The following SERPINB13 variants were observed in gnomAD, a reference collection of about 807,000 sequenced individuals.
SERPINB13 encodes serpin B13.
Under a neutral mutation model 31.2 loss-of-function variants are expected in SERPINB13, and 26 were observed. That is an observed-to-expected ratio of 0.83 (90% CI 0.61 to 1.15). SERPINB13 has a LOEUF of 1.15. Ranked by LOEUF, SERPINB13 falls within the 50% of genes most tolerant of loss-of-function variation. SERPINB13 has a pLI of 0.00. For missense variants in SERPINB13, 510 were observed against 469.4 expected, an observed-to-expected ratio of 1.09 and a Z score of -0.80; for synonymous variants, 191 against 172.4, an observed-to-expected ratio of 1.11 and a Z score of -0.85.
At chr18:63,595,333 T>TA in intron 7 of SERPINB13, 149 bp downstream of exon 7, 1 of 724,986 alleles carries the variant, frequency 1.4e-6, no homozygotes, top group Non-Finnish European at 2.2e-6. Flanking sequence ...TGGGGAGCAT[T>TA]AAATAGTATG....
At chr18:63,590,538 C>G (rs763073420) in intron 3 of SERPINB13, among the ~76,000 whole-genome samples, 2 of 152,148 alleles carry the variant, frequency 1.3e-5, no homozygotes, top group Admixed American at 1.3e-4. Flanking sequence ...TCAGGGTTTG[C>G]GCAACCAAGT....
chr18:63,594,264 G>T, intron 5 of SERPINB13, 91 bp from the exon 6 acceptor site: 1 of 1,579,188 alleles, frequency 6.3e-7, no homozygotes, highest in Non-Finnish European at 8.6e-7. Context: ...GGTTTTTAAT[G>T]ATCAGTCAAG....
rs1912356759 is a variant in SERPINB13 at position 63,599,161 on chromosome 18, T to C, written c.*1798T>C. Reference sequence around the variant, plus strand: ...TAATAATCTCTGGCTTACAAGTCCTTAATTTATCAAATATATGATACGTGG... The same window carrying C: ...TAATAATCTCTGGCTTACAAGTCCTCAATTTATCAAATATATGATACGTGG... On this transcript the variant is annotated 3_prime_UTR_variant, in exon 8 of 8. Coordinates refer to ENST00000344731, the MANE Select transcript of SERPINB13 (RefSeq NM_012397.4). 6.6e-6 allele frequency: 1 copy of C among 152,194 alleles called. No homozygotes were observed. Among genetic ancestry groups the C allele is most frequent in the Non-Finnish European group, 1.5e-5 (1 of 68,026 alleles). The allele number at this position is 152,194 out of a possible 1,614,324, so 9.4% of individuals were successfully genotyped here. A position where few individuals can be genotyped will look rare whatever the true frequency, so the allele number is the denominator to read the frequency against.
intron 1 of SERPINB13, among the ~76,000 whole-genome samples, chr18:63,587,853 T>G (rs1042316641): frequency 6.6e-6 from 1 of 152,248 alleles, no homozygotes; most frequent in African/African-American, 2.4e-5. Context: ...GAAGCAAACA[T>G]AAAAACAGTT....
chr18:63,590,170 T>C (rs1911769270), intron 3 of SERPINB13, among the ~76,000 whole-genome samples: 1 of 152,160 alleles, frequency 6.6e-6, no homozygotes, highest in Non-Finnish European at 1.5e-5. Flanking sequence ...CAGTAGGTGA[T>C]ATTATTGCTA....
intron 4 of SERPINB13, among the ~76,000 whole-genome samples, 172 bp from the exon 5 acceptor site, chr18:63,592,682 G>A (rs1348665017): frequency 6.6e-6 from 1 of 152,120 alleles, no homozygotes; most frequent in Non-Finnish European, 1.5e-5. Context: ...CTCATCCCCA[G>A]AATAGCTGCA....
At chr18:63,590,125 T>A (rs1911765779) in intron 3 of SERPINB13, 1 of 158,222 alleles carries the variant, frequency 6.3e-6, no homozygotes, top group Admixed American at 6.5e-5. Context: ...AGTAGGGGCA[T>A]CTGGCAACTG....
chr18:63,590,053 A>C (rs1232921721), intron 3 of SERPINB13: 3 of 222,736 alleles, frequency 1.3e-5, no homozygotes, highest in Admixed American at 5.6e-5. Context: ...TGGCTCAGTC[A>C]CTTAAGAGCG....
At position 63,598,593 on chromosome 18, in the gene SERPINB13, A is replaced by G. The variant is rs749247987; in HGVS notation, c.*1230A>G. 1 of 152,108 alleles carries G rather than the reference A, an allele frequency of 6.6e-6. No homozygotes were observed. The highest frequency in any genetic ancestry group is 1.5e-5 in the Non-Finnish European group (1 of 67,992). 9.4% of individuals were successfully genotyped at this position (152,108 alleles called of 1,614,324 possible). A position where few individuals can be genotyped will look rare whatever the true frequency, so the allele number is the denominator to read the frequency against. The stretch of plus-strand genomic sequence containing the variant: ...TCTGTTGTAGTATGTATTGATACTT[A>G]ATTTTTTTATTGCCGAATACTATTC... On this transcript the variant is annotated 3_prime_UTR_variant, in exon 8 of 8. Transcript: ENST00000344731.
chr18:63,589,659 T>G lies in SERPINB13; in HGVS notation c.169T>G (p.Phe57Val). ...TAATATTTTCTATCTCTTCCAGGTG[T>G]TTCACTCTGAAAAAGAGACGAAGAG... ...GATASQLEEV[F>V]HSEKETKSSR... Residue 57 changes from phenylalanine to valine, a missense_variant, in exon 3 of 8, where the codon TTT becomes GTT. Phe to Val is a conservative substitution (Grantham distance 50, BLOSUM62 -1). Transcript: ENST00000344731. 1 of 1,613,720 alleles carries G rather than the reference T, an allele frequency of 6.2e-7. No homozygotes were observed. The highest frequency in any genetic ancestry group is 8.5e-7 in the Non-Finnish European group (1 of 1,179,860).
rs761827636 is a variant in SERPINB13 at position 63,597,105 on chromosome 18, C to T, written c.918C>T (p.Gly306=). Reference sequence around the variant, plus strand: ...CGGTCCTGGCTGCCATGGGGATGGGCGATGCCTTCAGTGAGCACAAAGCCG... The same window carrying T: ...CGGTCCTGGCTGCCATGGGGATGGGTGATGCCTTCAGTGAGCACAAAGCCG... The part of the protein sequence containing the change: ...LEAVLAAMGM[G]DAFSEHKADY... The change falls in exon 8 of 8, where the codon GGC becomes GGT. Residue 306 remains glycine (G), a synonymous_variant. Coordinates refer to ENST00000344731, the MANE Select transcript of SERPINB13 (RefSeq NM_012397.4). The T allele has an allele frequency of 3.1e-6, 5 of 1,614,126 alleles. No homozygotes were observed. Among genetic ancestry groups the T allele is most frequent in the Admixed American group, 1.7e-5 (1 of 60,014 alleles).
In SERPINB13 at chr18:63,597,203, CT is replaced by C. The variant is rs1568149863; in HGVS notation, c.1017del (p.Glu340ArgfsTer12). On this transcript the variant is annotated frameshift_variant, in exon 8 of 8. Coordinates refer to ENST00000344731, the MANE Select transcript of SERPINB13 (RefSeq NM_012397.4). LOFTEE classifies it low-confidence loss of function (END_TRUNC). The stretch of plus-strand genomic sequence containing the variant: ...CTGCACAGTTCCTTTGTGGCAGTAA[CT>C]GAGGAAGGCACCGAGGCTGCAGCTG... ...KFLHSSFVAV[T>X]EEGTEAAAAT... 1 of 1,614,194 alleles carries C rather than the reference CT, an allele frequency of 6.2e-7. No individual in the cohort carries two copies. Among genetic ancestry groups the C allele is most frequent in the South Asian group, 1.1e-5 (1 of 91,082 alleles).
chr18:63,596,862 T>A, intron 7 of SERPINB13, 97 bp from the exon 8 acceptor site: 1 of 1,018,446 alleles, frequency 9.8e-7, no homozygotes, highest in East Asian at 2.6e-5. Context: ...TTAATATTAC[T>A]AAAATTAATA....
chr18:63,587,945 A>G (rs715350), intron 1 of SERPINB13, among the ~76,000 whole-genome samples: 14,030 of 152,274 alleles, frequency 0.092, 1,003 homozygotes, highest in East Asian at 0.31. Context: ...AAGCTCATGT[A>G]CAAGCCTAAA....
chr18:63,595,298 C>G, intron 7 of SERPINB13, 114 bp downstream of exon 7: 1 of 1,038,022 alleles, frequency 9.6e-7, no homozygotes, highest in East Asian at 2.4e-5. Flanking sequence ...TTCTCACTCT[C>G]CAGCAGCTAC....
intron 7 of SERPINB13, 102 bp downstream of exon 7, chr18:63,595,286 GT>G: frequency 8.4e-7 from 1 of 1,196,542 alleles, no homozygotes; most frequent in South Asian, 1.5e-5. Context: ...AATAGAAAGT[GT>G]TTCTCACTCT....
Position 63,595,208 on chromosome 18 carries a change from C to A in SERPINB13, c.771+24C>A, listed in dbSNP as rs777361889. The A allele has an allele frequency of 3.0e-5, 48 of 1,588,824 alleles. No individual in the cohort carries two copies. The Admixed American group carries it at 8.4e-4, about 28-fold the overall frequency. On this transcript the variant is annotated intron_variant, in intron 7 of 7. Coordinates refer to ENST00000344731, the MANE Select transcript of SERPINB13 (RefSeq NM_012397.4). ...AGGTAAACGCTTACACCTCCTTATT[C>A]TTTCTTTCATTTCCTAAGGCTTTTT...
chr18:63,590,048 C>T (rs576719267), intron 3 of SERPINB13: 2 of 238,896 alleles, frequency 8.4e-6, no homozygotes. Flanking sequence ...AGTCCTGGCT[C>T]AGTCACTTAA....
At chr18:63,592,732 G>A in intron 4 of SERPINB13, 122 bp from the exon 5 acceptor site, 1 of 743,228 alleles carries the variant, frequency 1.3e-6, no homozygotes. Flanking sequence ...GATGCCCAGG[G>A]CCTTAAAATT....
Sources: gnomAD v4.1 joint callset for allele counts (sites outside exome capture counted in the v4.1 genomes callset) on GRCh38, gnomAD v4.1.1 for gene constraint, MANE v1.5 for transcripts, NCBI Gene and HGNC (gene_info 2026-07-23, HGNC 2026-07-21) for gene names.